Variants in TLN2 observed in about 807,000 individuals in gnomAD.
TLN2 encodes the protein talin 2.
A neutral mutation model predicts 294.7 loss-of-function variants in TLN2; 118 were observed. That is an observed-to-expected ratio of 0.40 (90% CI 0.34 to 0.47). The LOEUF (loss-of-function observed/expected upper bound fraction) is 0.47. Ranked by LOEUF, TLN2 falls within the 20% of genes least tolerant of loss-of-function variation. The pLI, the probability that TLN2 is intolerant of heterozygous loss-of-function variation, is 0.84. For missense variants in TLN2, 3,083 were observed against 3,282.2 expected (o/e 0.94, Z 1.48); for synonymous variants, 1,431 against 1,304.5 (o/e 1.10, Z -2.09).
chr15:62,702,178 C>T lies in TLN2; in HGVS notation c.1883C>T (p.Ala628Val). Residue 628 changes from alanine to valine, a missense_variant, in exon 18 of 59, where the codon GCT becomes GTT. Physicochemically the swap from Ala to Val is moderately conservative, Grantham distance 64 (BLOSUM62 0). Transcript: ENST00000636159. Reference sequence around the variant, plus strand: ...GGGGCGGTGTCAGACTTGCTGAAAGCTGTGCAGCCTACTTCTGGAGAGGTA... The same window carrying T: ...GGGGCGGTGTCAGACTTGCTGAAAGTTGTGCAGCCTACTTCTGGAGAGGTA... ...LAGAVSDLLK[A>V]VQPTSGEPRQ... 6.2e-7 allele frequency: 1 copy of T among 1,604,874 alleles called. No individual in the cohort carries two copies. Among genetic ancestry groups the T allele is most frequent in the South Asian group, 1.1e-5 (1 of 89,978 alleles).
In TLN2 at chr15:62,841,654, A is replaced by AAGAT. The variant is rs1425175856; in HGVS notation, c.*1047_*1050dup. On this transcript the variant is annotated 3_prime_UTR_variant, in exon 59 of 59. Coordinates refer to ENST00000636159, the MANE Select transcript of TLN2 (RefSeq NM_015059.3). ...CCTAAAATCAATGTGAACCTTTAACAAGATAGTTTTACTTATTATCACATA... is the reference window on the plus strand; with the variant it reads ...CCTAAAATCAATGTGAACCTTTAACAAGATAGATAGTTTTACTTATTATCACATA... 2 of 152,018 alleles carry AAGAT rather than the reference A, an allele frequency of 1.3e-5. No homozygotes were observed. Among genetic ancestry groups the AAGAT allele is most frequent in the Non-Finnish European group, 1.5e-5 (1 of 68,034 alleles). 9.4% of individuals were successfully genotyped at this position (152,018 alleles called of 1,614,324 possible).
intron 12 of TLN2, among the ~76,000 whole-genome samples, chr15:62,690,916 A>G (rs1178307010): frequency 6.6e-6 from 1 of 151,374 alleles, no homozygotes; most frequent in Admixed American, 6.6e-5. Flanking sequence ...CGGCAGGCTG[A>G]GGCAGGAGAA....
chr15:62,644,149 G>A (rs1250294070), intron 3 of TLN2, among the ~76,000 whole-genome samples: 1 of 143,622 alleles, frequency 7.0e-6, no homozygotes, highest in African/African-American at 2.6e-5. Flanking sequence ...GCTCTCCCCC[G>A]CGCCACCCAC....
chr15:62,715,374 T>G (rs1002835693), intron 22 of TLN2, among the ~76,000 whole-genome samples: 1 of 152,232 alleles, frequency 6.6e-6, no homozygotes, highest in Admixed American at 6.5e-5. Flanking sequence ...AGAAACTCAT[T>G]GATCTATAGA....
intron 1 of TLN2, among the ~76,000 whole-genome samples, chr15:62,551,124 A>G (rs1303600151): frequency 6.6e-6 from 1 of 152,106 alleles, no homozygotes; most frequent in African/African-American, 2.4e-5. Context: ...AGGGTTTGCA[A>G]TCCTATGAGA....
chr15:62,756,893 G>C (rs2062293817), intron 37 of TLN2, among the ~76,000 whole-genome samples: 1 of 136,296 alleles, frequency 7.3e-6, no homozygotes. Flanking sequence ...TAAACAAAGA[G>C]TCTTTTTTTT....
intron 52 of TLN2, among the ~76,000 whole-genome samples, chr15:62,818,720 T>C (rs1353707852): frequency 6.6e-6 from 1 of 152,192 alleles, no homozygotes; most frequent in Non-Finnish European, 1.5e-5. Context: ...TGTTGCTCAC[T>C]TAGGGATTTT....
chr15:62,432,285 G>A (rs1039932062), intron 1 of TLN2, among the ~76,000 whole-genome samples: 1 of 152,106 alleles, frequency 6.6e-6, no homozygotes, highest in African/African-American at 2.4e-5. Flanking sequence ...AATACCTGAG[G>A]CTGGGCAATT....
intron 7 of TLN2, among the ~76,000 whole-genome samples, chr15:62,655,634 TG>T (rs1275897295): frequency 0.53 from 1,157 of 2,182 alleles, 554 homozygotes; most frequent in East Asian, 1. Context: ...CCACAGAGGG[TG>T]TACTGGGCCA....
intron 1 of TLN2, among the ~76,000 whole-genome samples, chr15:62,512,921 A>G (rs1175418797): frequency 6.6e-6 from 1 of 152,112 alleles, no homozygotes. Context: ...CTAGTCTTAA[A>G]TCCTCCTCTT....
At chr15:62,561,883 C>T (rs1348111972) in intron 1 of TLN2, among the ~76,000 whole-genome samples, 1 of 152,080 alleles carries the variant, frequency 6.6e-6, no homozygotes, top group Non-Finnish European at 1.5e-5. Context: ...CAGATTTTAA[C>T]ATGCTCTCCT....
chr15:62,540,479 C>T (rs945984499), intron 1 of TLN2, among the ~76,000 whole-genome samples: 5 of 149,734 alleles, frequency 3.3e-5, no homozygotes, highest in African/African-American at 7.4e-5. Flanking sequence ...AGGTGCAGGG[C>T]GTTATGAGAA....
intron 1 of TLN2, among the ~76,000 whole-genome samples, chr15:62,587,529 A>G (rs776303114): frequency 2.0e-5 from 3 of 152,238 alleles, no homozygotes; most frequent in Admixed American, 6.5e-5. Context: ...TTTCATATCA[A>G]TAAATATAGA....
At chr15:62,574,248 T>G (rs183589744) in intron 1 of TLN2, among the ~76,000 whole-genome samples, 1 of 152,134 alleles carries the variant, frequency 6.6e-6, no homozygotes, top group East Asian at 1.9e-4. Flanking sequence ...TCTAGAAATT[T>G]TTTTTGCCTT....
chr15:62,540,266 G>A (rs571306454), intron 1 of TLN2, among the ~76,000 whole-genome samples: 1 of 152,072 alleles, frequency 6.6e-6, no homozygotes, highest in Non-Finnish European at 1.5e-5. Flanking sequence ...CTTGAACCCG[G>A]AAGGCAGAGG....
intron 1 of TLN2, among the ~76,000 whole-genome samples, chr15:62,535,351 A>G (rs927883075): frequency 2.6e-5 from 4 of 151,940 alleles, no homozygotes; most frequent in African/African-American, 9.7e-5. Context: ...AAACCTCCCT[A>G]GGTGATCTAT....
intron 1 of TLN2, among the ~76,000 whole-genome samples, chr15:62,398,726 CTTTGAA>C (rs1033787799): frequency 3.3e-5 from 5 of 152,110 alleles, no homozygotes; most frequent in Admixed American, 2.0e-4. Context: ...ATCTGTGGAA[CTTTGAA>C]TTTGAGAGAG....
At chr15:62,560,216 A>G (rs567927489) in intron 1 of TLN2, among the ~76,000 whole-genome samples, 16 of 152,202 alleles carry the variant, frequency 1.1e-4, no homozygotes, top group African/African-American at 3.4e-4. Flanking sequence ...GATTCATCCT[A>G]TTTTCCAATT....
chr15:62,464,745 A>C (rs2037018603), intron 1 of TLN2, among the ~76,000 whole-genome samples: 1 of 152,146 alleles, frequency 6.6e-6, no homozygotes, highest in East Asian at 1.9e-4. Flanking sequence ...GCAGCCAGCT[A>C]TCGGGCATTC....
Sources: gnomAD v4.1 joint callset for allele counts (sites outside exome capture counted in the v4.1 genomes callset) on GRCh38, gnomAD v4.1.1 for gene constraint, MANE v1.5 for transcripts, NCBI Gene and HGNC (gene_info 2026-07-23, HGNC 2026-07-21) for gene names.